The following ASH1L variants were observed in gnomAD, a reference collection of about 807,000 sequenced individuals.
ASH1L encodes histone-lysine N-methyltransferase ASH1L.
Under a neutral mutation model 269.0 loss-of-function variants are expected in ASH1L, and 23 were observed. That is an observed-to-expected ratio of 0.09 (90% CI 0.06 to 0.12). ASH1L has a LOEUF of 0.12. ASH1L is among the 10% of genes least tolerant of loss of function. The pLI, the probability that ASH1L is intolerant of heterozygous loss-of-function variation, is 1.00. For synonymous variants in ASH1L, 1,187 were observed against 1,253.5 expected, an observed-to-expected ratio of 0.95 and a Z score of 1.12; for missense variants, 2,912 against 3,567.8, an observed-to-expected ratio of 0.82 and a Z score of 4.68.
intron 19 of ASH1L, among the ~76,000 whole-genome samples, chr1:155,348,897 A>AT (rs545641703): frequency 0.13 from 4,043 of 31,214 alleles, 94 homozygotes; most frequent in South Asian, 0.32. Context: ...AAAAAAAAAA[A>AT]AAATATATAT....
At chr1:155,560,058 A>G (rs956886034) in intron 1 of ASH1L, among the ~76,000 whole-genome samples, 3 of 152,232 alleles carry the variant, frequency 2.0e-5, no homozygotes, top group East Asian at 1.9e-4. Context: ...CATGGACCCT[A>G]AAGTTCTCCT....
At chr1:155,501,664 T>C (rs1667509495) in intron 2 of ASH1L, among the ~76,000 whole-genome samples, 1 of 152,124 alleles carries the variant, frequency 6.6e-6, no homozygotes, top group South Asian at 2.1e-4. Flanking sequence ...ACAGATTGTT[T>C]TATTCATTCA....
intron 5 of ASH1L, among the ~76,000 whole-genome samples, chr1:155,423,540 G>A (rs1660891684): frequency 6.6e-6 from 1 of 152,064 alleles, no homozygotes; most frequent in Non-Finnish European, 1.5e-5. Context: ...CCGCACTCCA[G>A]CCTGGCGACA....
chr1:155,341,899 T>A, intron 25 of ASH1L, 37 bp downstream of exon 25: 1 of 1,601,100 alleles, frequency 6.2e-7, no homozygotes, highest in Non-Finnish European at 8.6e-7. Flanking sequence ...AACCAGATTG[T>A]CCTAACATGT....
chr1:155,516,007 C>G (rs1668479776), intron 2 of ASH1L, among the ~76,000 whole-genome samples: 1 of 151,964 alleles, frequency 6.6e-6, no homozygotes, highest in Non-Finnish European at 1.5e-5. Flanking sequence ...TTATCATCAT[C>G]CTTTCCTCTT....
rs138841126 is a variant in ASH1L at position 155,432,880 on chromosome 1, C to T, written c.5828+5447G>A. The stretch of plus-strand genomic sequence containing the variant: ...CCTCCCAAGTAGCTGGGACCACAGG[C>T]GTGCAACACCACCACGCCCAGCTAA... On this transcript the variant is annotated intron_variant, in intron 5 of 27. Coordinates refer to ENST00000392403, the MANE Select transcript of ASH1L (RefSeq NM_018489.3). Among the ~76,000 whole-genome samples, 260 of 152,260 alleles carry T rather than the reference C, an allele frequency of 1.7e-3. 1 individual carries two copies. The highest frequency in any genetic ancestry group is 5.4e-3 in the African/African-American group (224 of 41,552).
intron 1 of ASH1L, among the ~76,000 whole-genome samples, chr1:155,546,158 C>CAA (rs57715557): frequency 0.032 from 3,559 of 110,328 alleles, 135 homozygotes; most frequent in African/African-American, 0.053. Context: ...ATTCCATCAC[C>CAA]AAAAAAAAAA....
chr1:155,481,542 T>G lies in ASH1L; in HGVS notation c.1328A>C (p.Asn443Thr). ...QEPLKASCST[N>T]INNQESQELS... ...TTCCTGACTTTCCTGATTATTGATG[T>G]TTGTACTACAAGAAGCCTTAAGCGG... Residue 443 changes from asparagine to threonine, a missense_variant, in exon 3 of 28, where the codon AAC (asparagine) becomes ACC (threonine). By Grantham distance (65) the Asn-to-Thr change is moderately conservative (BLOSUM62 0). Coordinates refer to ENST00000392403, the MANE Select transcript of ASH1L (RefSeq NM_018489.3). 1 of 1,614,188 alleles carries G rather than the reference T, an allele frequency of 6.2e-7. No individual in the cohort carries two copies. Among genetic ancestry groups the G allele is most frequent in the Non-Finnish European group, 8.5e-7 (1 of 1,180,008 alleles).
At chr1:155,511,256 T>C (rs1668142460) in intron 2 of ASH1L, among the ~76,000 whole-genome samples, 1 of 152,168 alleles carries the variant, frequency 6.6e-6, no homozygotes, top group Admixed American at 6.5e-5. Flanking sequence ...AAAGAAACAT[T>C]AGAACAGTAA....
chr1:155,363,534 G>T lies in ASH1L; in HGVS notation c.6687-3125C>A, dbSNP rs531046092. 6.6e-5 allele frequency among the ~76,000 whole-genome samples: 10 copies of T among 152,180 alleles called. No homozygotes were observed. The South Asian group carries it at 2.1e-3, about 32-fold the overall frequency. ...GCTGCGATTACAGGCATGACCCACG[G>T]AGCCTGGCTGCAGAAAGCATTTTAA... On this transcript the variant is annotated intron_variant, in intron 12 of 27. Transcript: ENST00000392403.
intron 1 of ASH1L, among the ~76,000 whole-genome samples, chr1:155,538,380 T>C (rs1241116967): frequency 6.6e-6 from 1 of 151,150 alleles, no homozygotes; most frequent in African/African-American, 2.4e-5. Flanking sequence ...GTTTTTGAGA[T>C]GGAGTCTCAC....
chr1:155,430,182 C>T (rs1297909338), intron 5 of ASH1L, among the ~76,000 whole-genome samples: 2 of 151,938 alleles, frequency 1.3e-5, no homozygotes, highest in African/African-American at 4.8e-5. Flanking sequence ...CCCTATGTTG[C>T]CCAGGGTGGT....
At chr1:155,465,289 CAA>C (rs1171228344) in intron 3 of ASH1L, among the ~76,000 whole-genome samples, 2,190 of 62,576 alleles carry the variant, frequency 0.035, 48 homozygotes, top group African/African-American at 0.11. Flanking sequence ...TACAAATTAG[CAA>C]AAAAAAAAAA....
chr1:155,440,076 G>A (rs750952170), intron 4 of ASH1L, among the ~76,000 whole-genome samples: 8 of 151,998 alleles, frequency 5.3e-5, no homozygotes, highest in Non-Finnish European at 1.0e-4. Flanking sequence ...TTGGGAGGCC[G>A]AGGTGGAAGG....
chr1:155,368,006 G>A (rs191627421), intron 12 of ASH1L, among the ~76,000 whole-genome samples: 9 of 152,042 alleles, frequency 5.9e-5, no homozygotes, highest in Admixed American at 3.9e-4. Flanking sequence ...CTTCTTCTTC[G>A]TCTTCATTTT....
At chr1:155,466,353 C>CA (rs1248409385) in intron 3 of ASH1L, among the ~76,000 whole-genome samples, 3 of 151,294 alleles carry the variant, frequency 2.0e-5, no homozygotes, top group Non-Finnish European at 2.9e-5. Context: ...GACCCCGTCT[C>CA]AAAAAAACAA....
At chr1:155,469,119 AATC>A in intron 3 of ASH1L, among the ~76,000 whole-genome samples, 2 of 152,276 alleles carry the variant, frequency 1.3e-5, no homozygotes, top group Middle Eastern at 6.8e-3. Context: ...CGCCAAAGCC[AATC>A]ATCCACTTTC....
At chr1:155,376,316 C>T (rs1656438399) in intron 10 of ASH1L, among the ~76,000 whole-genome samples, 2 of 152,218 alleles carry the variant, frequency 1.3e-5, no homozygotes, top group Non-Finnish European at 2.9e-5. Context: ...TGATTCCCTT[C>T]AGACCACATG....
intron 3 of ASH1L, among the ~76,000 whole-genome samples, chr1:155,468,294 A>G (rs1664845911): frequency 6.7e-6 from 1 of 149,758 alleles, no homozygotes; most frequent in Non-Finnish European, 1.5e-5. Context: ...ACCATGCCTT[A>G]TCATTGGTGA....
Sources: gnomAD v4.1 joint callset for allele counts (sites outside exome capture counted in the v4.1 genomes callset) on GRCh38, gnomAD v4.1.1 for gene constraint, MANE v1.5 for transcripts, NCBI Gene and HGNC (gene_info 2026-07-23, HGNC 2026-07-21) for gene names.